FGF14: variants seen among roughly 807,000 people sequenced by gnomAD.
FGF14 encodes fibroblast growth factor homologous factor 4.
In FGF14, 5 loss-of-function variants were observed where a neutral mutation model predicts 25.5. The ratio of observed to expected loss-of-function variants is 0.20; its 90% CI spans 0.10 to 0.41. The LOEUF (loss-of-function observed/expected upper bound fraction) is 0.41. Among genes scored for constraint, FGF14 ranks in the 10% least tolerant of loss-of-function variants. FGF14 has a pLI of 1.00. For synonymous variants in FGF14, 138 were observed against 118.3 expected, an observed-to-expected ratio of 1.17 and a Z score of -1.08; for missense variants, 222 against 320.1, an observed-to-expected ratio of 0.69 and a Z score of 2.34.
intron 1 of FGF14, among the ~76,000 whole-genome samples, chr13:102,314,621 C>G (rs929588353): frequency 1.3e-5 from 2 of 152,120 alleles, no homozygotes; most frequent in African/African-American, 4.8e-5. Flanking sequence ...ATAGTAAACA[C>G]TCAGAAAATA....
chr13:102,355,457 C>A (rs907428233), intron 1 of FGF14, among the ~76,000 whole-genome samples: 4 of 151,680 alleles, frequency 2.6e-5, no homozygotes, highest in African/African-American at 4.8e-5. Flanking sequence ...AGGCCTCCCC[C>A]AGATGGTGAT....
At chr13:102,287,319 A>C (rs1202464117) in intron 1 of FGF14, among the ~76,000 whole-genome samples, 1 of 151,930 alleles carries the variant, frequency 6.6e-6, no homozygotes, top group Non-Finnish European at 1.5e-5. Flanking sequence ...AATGAAATTA[A>C]ATGTGACTGG....
At chr13:102,025,538 A>G (rs2040879241) in intron 1 of FGF14, among the ~76,000 whole-genome samples, 1 of 151,942 alleles carries the variant, frequency 6.6e-6, no homozygotes, top group Non-Finnish European at 1.5e-5. Context: ...CCTTCTGAGT[A>G]GCTGGGACTA....
intron 1 of FGF14, among the ~76,000 whole-genome samples, chr13:102,230,400 G>A (rs1446487952): frequency 6.6e-6 from 1 of 152,254 alleles, no homozygotes; most frequent in East Asian, 1.9e-4. Context: ...GTCTACCAGG[G>A]AATAGAAAGG....
intron 1 of FGF14, among the ~76,000 whole-genome samples, chr13:101,911,245 G>C (rs562323127): frequency 2.0e-5 from 3 of 152,064 alleles, no homozygotes; most frequent in Non-Finnish European, 4.4e-5. Flanking sequence ...AAATGTAAAA[G>C]TATTCAAATT....
chr13:101,971,720 G>C (rs1157864023), intron 1 of FGF14, among the ~76,000 whole-genome samples: 2 of 152,208 alleles, frequency 1.3e-5, no homozygotes, highest in East Asian at 1.9e-4. Context: ...TCACAGATGA[G>C]AGAAATAGGA....
At chr13:101,733,405 G>A (rs980449791) in intron 3 of FGF14, among the ~76,000 whole-genome samples, 1 of 151,970 alleles carries the variant, frequency 6.6e-6, no homozygotes, top group Non-Finnish European at 1.5e-5. Context: ...GACCATCCTG[G>A]CCAACATGGT....
chr13:101,880,654 A>T (rs750448665), intron 1 of FGF14, among the ~76,000 whole-genome samples: 2 of 152,190 alleles, frequency 1.3e-5, no homozygotes, highest in Non-Finnish European at 2.9e-5. Flanking sequence ...TGAGGAGAGG[A>T]AAGAAACTAT....
intron 1 of FGF14, among the ~76,000 whole-genome samples, chr13:102,375,144 C>G (rs941088773): frequency 6.6e-6 from 1 of 152,070 alleles, no homozygotes; most frequent in African/African-American, 2.4e-5. Flanking sequence ...CCAAATGGAA[C>G]TGGAAACACA....
At chr13:102,363,449 T>C (rs922052119) in intron 1 of FGF14, among the ~76,000 whole-genome samples, 2 of 152,180 alleles carry the variant, frequency 1.3e-5, no homozygotes, top group African/African-American at 4.8e-5. Flanking sequence ...TCCAGCCTAT[T>C]TGGATGAGAT....
At chr13:101,953,581 T>C (rs866637277) in intron 1 of FGF14, among the ~76,000 whole-genome samples, 1 of 149,794 alleles carries the variant, frequency 6.7e-6, no homozygotes, top group African/African-American at 2.4e-5. Flanking sequence ...TATATATATA[T>C]ATATATAATT....
intron 1 of FGF14, among the ~76,000 whole-genome samples, chr13:102,176,473 T>G (rs990356351): frequency 1.3e-5 from 2 of 152,132 alleles, no homozygotes; most frequent in African/African-American, 4.8e-5. Flanking sequence ...GGTTACAATG[T>G]TCACTATTTG....
chr13:101,724,597 A>AATAT lies in FGF14; in HGVS notation c.608-1634_608-1631dup, dbSNP rs201033233. 3.8e-3 allele frequency among the ~76,000 whole-genome samples: 459 copies of AATAT among 121,232 alleles called. 4 individuals are homozygous for AATAT. Among genetic ancestry groups the AATAT allele is most frequent in the East Asian group, 0.01 (46 of 4,438 alleles). The allele number at this position is 121,232 out of a possible 152,430, so 79.5% of individuals were successfully genotyped here. A position where few individuals can be genotyped will look rare whatever the true frequency, so the allele number is the denominator to read the frequency against. ...CCTAGAACTTAAAGTATAATAATAA[A>AATAT]ATATATATATATATATATATATATA... On this transcript the variant is annotated intron_variant, in intron 4 of 4. Transcript: ENST00000376143.
chr13:101,753,041 C>A (rs1004547428), intron 3 of FGF14, among the ~76,000 whole-genome samples: 1 of 152,026 alleles, frequency 6.6e-6, no homozygotes, highest in African/African-American at 2.4e-5. Flanking sequence ...TGTTTAGTAG[C>A]CTTTAACCAA....
chr13:102,337,665 A>T (rs527927895), intron 1 of FGF14, among the ~76,000 whole-genome samples: 38 of 152,286 alleles, frequency 2.5e-4, no homozygotes, highest in African/African-American at 8.4e-4. Flanking sequence ...TAGTGAAAGG[A>T]AGAGTCCATT....
At chr13:101,812,185 T>C (rs1210636656) in intron 3 of FGF14, among the ~76,000 whole-genome samples, 1 of 152,176 alleles carries the variant, frequency 6.6e-6, no homozygotes, top group Admixed American at 6.5e-5. Context: ...TGTGATAGCA[T>C]TCTAAATTAT....
At chr13:101,981,458 T>C (rs552137110) in intron 1 of FGF14, among the ~76,000 whole-genome samples, 2 of 152,282 alleles carry the variant, frequency 1.3e-5, no homozygotes, top group South Asian at 4.1e-4. Context: ...AATTGTTGTT[T>C]GCAAGCTGCC....
intron 1 of FGF14, among the ~76,000 whole-genome samples, chr13:102,281,234 T>C (rs771064845): frequency 1.3e-5 from 2 of 152,216 alleles, no homozygotes; most frequent in Non-Finnish European, 2.9e-5. Flanking sequence ...GTTACCTGTA[T>C]GCAGGCTCTG....
chr13:101,736,138 G>A (rs1448613807), intron 3 of FGF14, among the ~76,000 whole-genome samples: 1 of 152,084 alleles, frequency 6.6e-6, no homozygotes, highest in African/African-American at 2.4e-5. Context: ...TTCAGACTCA[G>A]TGATTTATAC....
Sources: allele counts gnomAD v4.1 joint callset (sites outside exome capture counted in the v4.1 genomes callset), GRCh38; gene constraint gnomAD v4.1.1; transcripts MANE v1.5; gene names NCBI Gene and HGNC (gene_info 2026-07-23, HGNC 2026-07-21).